The following KLF12 variants were observed in gnomAD, a reference collection of about 807,000 sequenced individuals.
The protein encoded by KLF12 is Krueppel-like factor 12.
In KLF12, 9 loss-of-function variants were observed where a neutral mutation model predicts 37.8. That is an observed-to-expected ratio of 0.24 (90% CI 0.14 to 0.42). The LOEUF (loss-of-function observed/expected upper bound fraction) is 0.42, where lower values mean the gene tolerates loss of function less well. Among genes scored for constraint, KLF12 ranks in the 10% least tolerant of loss-of-function variants. The pLI is 1.00. For synonymous variants in KLF12, 208 were observed against 202.1 expected (o/e 1.03, Z -0.25); for missense variants, 411 against 516.0 (o/e 0.80, Z 1.97).
chr13:74,013,696 A>C (rs970089635), intron 1 of KLF12, among the ~76,000 whole-genome samples: 8 of 152,204 alleles, frequency 5.3e-5, no homozygotes, highest in Admixed American at 1.3e-4. Flanking sequence ...CATAAAAAAC[A>C]TGCAGCTTCT....
chr13:73,783,652 T>C (rs1881120129), intron 5 of KLF12, among the ~76,000 whole-genome samples: 1 of 152,190 alleles, frequency 6.6e-6, no homozygotes, highest in Non-Finnish European at 1.5e-5. Context: ...TCTATTTTAC[T>C]AATGTGAATT....
intron 3 of KLF12, among the ~76,000 whole-genome samples, chr13:73,908,642 G>C (rs867228508): frequency 3.2e-4 from 48 of 151,720 alleles, no homozygotes; most frequent in Middle Eastern, 3.4e-3. Flanking sequence ...CATCATGCCC[G>C]GTTAATATTT....
rs573944931 is a variant in KLF12 at position 73,977,580 on chromosome 13, G to A, written c.33+17410C>T. The stretch of plus-strand genomic sequence containing the variant: ...TGAATGACAATACTTCACAACTCAT[G>A]GGATTCTAGCAAGTTATTTTGTAAT... On this transcript the variant is annotated intron_variant, in intron 2 of 7. Transcript: ENST00000377669. Among the ~76,000 whole-genome samples, 6 of 152,282 alleles carry A rather than the reference G, an allele frequency of 3.9e-5. No individual in the cohort carries two copies. In the East Asian group the frequency reaches 1.2e-3, roughly 29 times the overall value.
chr13:73,740,977 A>G (rs1383752647), intron 6 of KLF12, among the ~76,000 whole-genome samples: 2 of 152,202 alleles, frequency 1.3e-5, no homozygotes, highest in Admixed American at 1.3e-4. Flanking sequence ...TTCCAGGAGC[A>G]AAAGCAAAAC....
Position 74,125,031 on chromosome 13 carries a change from C to G in KLF12, c.-32+8708G>C, listed in dbSNP as rs1439426320. The stretch of plus-strand genomic sequence containing the variant: ...CATGGTGGCACACACCTGAGTCCCA[C>G]CTACTCGGAAGGCTGAAGCAGGAGA... On this transcript the variant is annotated intron_variant, in intron 1 of 7. Coordinates refer to ENST00000377669, the MANE Select transcript of KLF12 (RefSeq NM_007249.5). Among the ~76,000 whole-genome samples the G allele has an allele frequency of 2.6e-5, 4 of 151,772 alleles. No individual in the cohort carries two copies. The East Asian group carries it at 5.8e-4, about 22-fold the overall frequency.
intron 7 of KLF12, among the ~76,000 whole-genome samples, chr13:73,710,280 ATAGAG>A (rs1875269807): frequency 6.6e-6 from 1 of 152,314 alleles, no homozygotes; most frequent in Non-Finnish European, 1.5e-5. Context: ...AGATAACCCA[ATAGAG>A]TAAACTGCTA....
chr13:74,072,444 T>C (rs1236123635), intron 1 of KLF12, among the ~76,000 whole-genome samples: 2 of 135,742 alleles, frequency 1.5e-5, no homozygotes, highest in Non-Finnish European at 3.1e-5. Context: ...ACGTTAAAAA[T>C]AGCATACAAT....
At chr13:74,196,456 T>A in the KLF12 span, among the ~76,000 whole-genome samples, 4 of 152,178 alleles carry the variant, frequency 2.6e-5, no homozygotes, top group Non-Finnish European at 4.4e-5. Flanking sequence ...AAGAAAGAGA[T>A]AAGAGCAAGT....
chr13:74,185,644 A>G, the KLF12 span, among the ~76,000 whole-genome samples: 2 of 151,852 alleles, frequency 1.3e-5, no homozygotes, highest in Admixed American at 1.3e-4. Context: ...CTTTGGTAAG[A>G]CTTCTATTTT....
the KLF12 span, among the ~76,000 whole-genome samples, chr13:74,141,810 G>A: frequency 3.3e-5 from 5 of 152,282 alleles, no homozygotes; most frequent in African/African-American, 1.2e-4. Context: ...ACCAAACACA[G>A]GAAAGCAGAC....
At chr13:73,769,726 G>A (rs984984178) in intron 5 of KLF12, among the ~76,000 whole-genome samples, 2 of 152,014 alleles carry the variant, frequency 1.3e-5, no homozygotes, top group African/African-American at 4.8e-5. Context: ...TGTTCCTTCT[G>A]GTATCTTCTC....
intron 3 of KLF12, among the ~76,000 whole-genome samples, chr13:73,880,886 T>G (rs1886947373): frequency 6.6e-6 from 1 of 152,210 alleles, no homozygotes; most frequent in African/African-American, 2.4e-5. Context: ...ACTTTTGCTT[T>G]TAAAAAGACT....
rs904728164 is a variant in KLF12 at position 73,966,864 on chromosome 13, T to C, written c.34-22794A>G. On this transcript the variant is annotated intron_variant, in intron 2 of 7. Coordinates refer to ENST00000377669, the MANE Select transcript of KLF12 (RefSeq NM_007249.5). ...GACTTCTAGCTAACTGACTTGTCCA[T>C]GTTAAAGAAAAATTATAACTAATTT... 3.3e-5 allele frequency among the ~76,000 whole-genome samples: 5 copies of C among 152,322 alleles called. No homozygotes were observed. The South Asian group carries it at 1.0e-3, about 32-fold the overall frequency.
intron 6 of KLF12, among the ~76,000 whole-genome samples, chr13:73,732,888 A>G (rs1483598713): frequency 6.6e-6 from 1 of 152,048 alleles, no homozygotes; most frequent in Admixed American, 6.6e-5. Context: ...CTCCTTTCCC[A>G]GTTTTCCCTG....
At chr13:74,045,006 A>C (rs2138562402) in intron 1 of KLF12, among the ~76,000 whole-genome samples, 1 of 152,354 alleles carries the variant, frequency 6.6e-6, no homozygotes, top group Middle Eastern at 3.4e-3. Flanking sequence ...AGGTAGATAG[A>C]TAAGGGGGAT....
At chr13:73,940,573 T>C (rs909495101) in intron 3 of KLF12, among the ~76,000 whole-genome samples, 1 of 152,172 alleles carries the variant, frequency 6.6e-6, no homozygotes, top group Non-Finnish European at 1.5e-5. Context: ...ACAATAACCC[T>C]ATGACATAGA....
chr13:74,134,245 G>A (rs1020398521), upstream of KLF12, among the ~76,000 whole-genome samples: 10 of 151,984 alleles, frequency 6.6e-5, no homozygotes, highest in East Asian at 1.8e-3. Context: ...CTCCTCCCCA[G>A]AAACAAAGCC....
chr13:74,050,595 G>A (rs1303988441), intron 1 of KLF12, among the ~76,000 whole-genome samples: 3 of 152,044 alleles, frequency 2.0e-5, no homozygotes, highest in Non-Finnish European at 2.9e-5. Flanking sequence ...GACAATTCTG[G>A]GTTTGAAGCA....
At chr13:74,145,594 A>T in the KLF12 span, among the ~76,000 whole-genome samples, 3 of 152,146 alleles carry the variant, frequency 2.0e-5, no homozygotes, top group Non-Finnish European at 4.4e-5. Flanking sequence ...TACTTTTGGG[A>T]TCCCTATCTC....
Sources: allele counts gnomAD v4.1 joint callset (sites outside exome capture counted in the v4.1 genomes callset), GRCh38; gene constraint gnomAD v4.1.1; transcripts MANE v1.5; gene names NCBI Gene and HGNC (gene_info 2026-07-23, HGNC 2026-07-21).